The following CCDC91 variants were observed in gnomAD, a reference collection of about 807,000 sequenced individuals.
CCDC91 encodes the protein coiled-coil domain-containing protein 91.
CCDC91 carries 48 observed loss-of-function variants against 63.2 expected under a neutral mutation model. The ratio of observed to expected loss-of-function variants is 0.76; its 90% CI spans 0.60 to 0.97. CCDC91 has a LOEUF of 0.97. CCDC91 is among the 50% of genes least tolerant of loss of function. The probability of loss-of-function intolerance (pLI) is 0.00; values close to 1 mark genes in which losing one functional copy is unlikely to be tolerated. For missense variants in CCDC91, 500 were observed against 494.6 expected, an observed-to-expected ratio of 1.01 and a Z score of -0.10; for synonymous variants, 167 against 165.8, an observed-to-expected ratio of 1.01 and a Z score of -0.06.
chr12:28,354,085 A>G (rs1943364198), intron 6 of CCDC91, among the ~76,000 whole-genome samples: 2 of 152,222 alleles, frequency 1.3e-5, no homozygotes, highest in African/African-American at 2.4e-5. Context: ...GTGAAGCACA[A>G]TATAATGAAG....
At chr12:28,288,060 C>T (rs1180656059) in intron 3 of CCDC91, among the ~76,000 whole-genome samples, 1 of 152,124 alleles carries the variant, frequency 6.6e-6, no homozygotes. Flanking sequence ...TATTTTGTAT[C>T]CCAAGACTTC....
At chr12:28,459,391 T>C (rs1320080256) in intron 11 of CCDC91, among the ~76,000 whole-genome samples, 1 of 152,102 alleles carries the variant, frequency 6.6e-6, no homozygotes, top group Non-Finnish European at 1.5e-5. Flanking sequence ...GATTATAATA[T>C]ATAGGACCAG....
intron 12 of CCDC91, among the ~76,000 whole-genome samples, chr12:28,540,832 C>T (rs762223555): frequency 6.6e-6 from 1 of 152,010 alleles, no homozygotes; most frequent in Non-Finnish European, 1.5e-5. Flanking sequence ...TTCATATTCT[C>T]TTGGATTGCT....
intron 3 of CCDC91, among the ~76,000 whole-genome samples, chr12:28,304,411 A>AAG (rs1565764981): frequency 7.1e-6 from 1 of 141,720 alleles, no homozygotes; most frequent in Non-Finnish European, 1.6e-5. Flanking sequence ...AGAAAAAAAA[A>AAG]AAAAGAAAAA....
At chr12:28,468,064 A>C (rs1211760281) in intron 11 of CCDC91, among the ~76,000 whole-genome samples, 1 of 151,956 alleles carries the variant, frequency 6.6e-6, no homozygotes, top group Non-Finnish European at 1.5e-5. Flanking sequence ...AAAATTAGTG[A>C]AAGAAAAGAA....
intron 1 of CCDC91, among the ~76,000 whole-genome samples, chr12:28,212,140 T>G (rs2135532430): frequency 6.6e-6 from 1 of 152,316 alleles, no homozygotes; most frequent in South Asian, 2.1e-4. Flanking sequence ...TGCAGGTACC[T>G]TGCTTGTTCA....
intron 12 of CCDC91, among the ~76,000 whole-genome samples, chr12:28,499,991 T>C (rs1952542061): frequency 6.6e-6 from 1 of 152,124 alleles, no homozygotes; most frequent in Non-Finnish European, 1.5e-5. Flanking sequence ...TTTCTCCACA[T>C]CCTCTCCAGC....
At chr12:28,365,615 C>T (rs1234918063) in intron 7 of CCDC91, among the ~76,000 whole-genome samples, 1 of 152,112 alleles carries the variant, frequency 6.6e-6, no homozygotes, top group Non-Finnish European at 1.5e-5. Context: ...CTTAATTCAA[C>T]AAAGATTATT....
intron 3 of CCDC91, among the ~76,000 whole-genome samples, chr12:28,273,999 T>A (rs1053942839): frequency 6.6e-6 from 1 of 152,192 alleles, no homozygotes; most frequent in Admixed American, 6.5e-5. Flanking sequence ...CTTTAATCCA[T>A]CTTGAATTAA....
intron 12 of CCDC91, among the ~76,000 whole-genome samples, chr12:28,533,582 ATC>A (rs757998056): frequency 1.9e-4 from 29 of 152,068 alleles, no homozygotes; most frequent in African/African-American, 6.8e-4. Flanking sequence ...TAAAAAATAT[ATC>A]TGTTTACTTT....
intron 12 of CCDC91, among the ~76,000 whole-genome samples, chr12:28,502,554 A>C (rs1307351003): frequency 6.7e-6 from 1 of 150,138 alleles, no homozygotes; most frequent in Non-Finnish European, 1.5e-5. Flanking sequence ...GCTACCAATG[A>C]CTTTCTTCAC....
chr12:28,523,282 G>A (rs1940917807), intron 12 of CCDC91, among the ~76,000 whole-genome samples: 1 of 152,100 alleles, frequency 6.6e-6, no homozygotes, highest in Non-Finnish European at 1.5e-5. Flanking sequence ...TATATATTTA[G>A]GATAGTTAGT....
At position 28,234,384 on chromosome 12, in the gene CCDC91, T is replaced by C. The variant is rs182630044; in HGVS notation, c.-14-22818T>C. Among the ~76,000 whole-genome samples the C allele has an allele frequency of 1.1e-3, 166 of 152,318 alleles. 2 individuals carry two copies. The highest frequency in any genetic ancestry group is 3.8e-3 in the African/African-American group (160 of 41,576). On this transcript the variant is annotated intron_variant, in intron 1 of 12. Transcript: ENST00000536442. Reference sequence around the variant, plus strand: ...GAGATTGTCCTAAATTTTTATAGTCTTGTACTTGACAGAATTTTTTTAAAA... The same window carrying C: ...GAGATTGTCCTAAATTTTTATAGTCCTGTACTTGACAGAATTTTTTTAAAA...
intron 3 of CCDC91, among the ~76,000 whole-genome samples, chr12:28,290,259 C>G (rs1057170932): frequency 6.6e-5 from 10 of 152,132 alleles, no homozygotes; most frequent in African/African-American, 2.4e-4. Context: ...ATATAATGCT[C>G]TTACTTGTCT....
chr12:28,424,135 G>T (rs1215697357), intron 8 of CCDC91, among the ~76,000 whole-genome samples: 1 of 152,054 alleles, frequency 6.6e-6, no homozygotes, highest in Non-Finnish European at 1.5e-5. Context: ...TTGCTGTGTT[G>T]TCCAAGCTGG....
At chr12:28,519,980 C>G (rs1940432660) in intron 12 of CCDC91, among the ~76,000 whole-genome samples, 1 of 152,038 alleles carries the variant, frequency 6.6e-6, no homozygotes, top group Non-Finnish European at 1.5e-5. Flanking sequence ...CATTGATGGG[C>G]ATTTGGGTTG....
intron 5 of CCDC91, 41 bp downstream of exon 5, chr12:28,306,986 A>G: frequency 7.8e-7 from 1 of 1,285,550 alleles, no homozygotes; most frequent in Non-Finnish European, 1.1e-6. Flanking sequence ...AATTGCAAAT[A>G]TTAGAAATTT....
At chr12:28,323,507 A>C (rs1479868158) in intron 6 of CCDC91, among the ~76,000 whole-genome samples, 1 of 151,830 alleles carries the variant, frequency 6.6e-6, no homozygotes, top group African/African-American at 2.4e-5. Flanking sequence ...TATTCCTGTG[A>C]TAGTACCACC....
intron 3 of CCDC91, among the ~76,000 whole-genome samples, chr12:28,297,058 G>A (rs371752983): frequency 6.6e-6 from 1 of 151,718 alleles, no homozygotes; most frequent in African/African-American, 2.4e-5. Context: ...TGGATAATAG[G>A]GTGTTTGAAT....
Sources: allele counts gnomAD v4.1 joint callset (sites outside exome capture counted in the v4.1 genomes callset), GRCh38; gene constraint gnomAD v4.1.1; transcripts MANE v1.5; gene names NCBI Gene and HGNC (gene_info 2026-07-23, HGNC 2026-07-21).